The following MSI2 variants were observed in gnomAD, a reference collection of about 807,000 sequenced individuals.
MSI2 encodes the protein musashi RNA binding protein 2, also known as RNA-binding protein Musashi homolog 2.
Under a neutral mutation model 45.6 loss-of-function variants are expected in MSI2, and 17 were observed. That is an observed-to-expected ratio of 0.37 (90% CI 0.26 to 0.56). The LOEUF is 0.56. Ranked by LOEUF, MSI2 falls within the 20% of genes least tolerant of loss-of-function variation. MSI2 has a pLI of 0.77. For synonymous variants in MSI2, 156 were observed against 158.2 expected (o/e 0.99, Z 0.11); for missense variants, 293 against 444.2 (o/e 0.66, Z 3.06).
chr17:57,450,284 A>AAAGG (rs2084983117), intron 6 of MSI2: 1 of 45,080 alleles, frequency 2.2e-5, no homozygotes, highest in Non-Finnish European at 8.1e-5. Context: ...AGAAAGAAAG[A>AAAGG]AAGAAAGAAA....
the MSI2 span, among the ~76,000 whole-genome samples, chr17:57,695,969 A>G: frequency 1.3e-5 from 2 of 152,164 alleles, no homozygotes; most frequent in Non-Finnish European, 2.9e-5. Flanking sequence ...CACTAATCCT[A>G]TCGGATCATG....
At chr17:57,499,213 T>TA (rs1171969918) in intron 6 of MSI2, among the ~76,000 whole-genome samples, 1 of 151,346 alleles carries the variant, frequency 6.6e-6, no homozygotes, top group African/African-American at 2.4e-5. Context: ...CCCTCTATAC[T>TA]AAAAATACAA....
rs1376184687 is a variant in MSI2 at position 57,648,145 on chromosome 17, G to GTT, written c.728-3953_728-3952insTT. 5.9e-4 allele frequency among the ~76,000 whole-genome samples: 87 copies of GTT among 146,796 alleles called. 7 individuals carry two copies. The highest frequency in any genetic ancestry group is 2.0e-4 in the East Asian group (1 of 4,994). On this transcript the variant is annotated intron_variant, in intron 10 of 13. Coordinates refer to ENST00000284073, the MANE Select transcript of MSI2 (RefSeq NM_138962.4). ...GCCTGGCTAATTCGTGTGTGTGTGT[G>GTT]TGTGTGTGTGTGTGTGTGTGTGTGT... is the stretch of plus-strand genomic sequence containing the variant.
chr17:57,368,936 A>G (rs1193991817), intron 5 of MSI2, among the ~76,000 whole-genome samples: 1 of 152,224 alleles, frequency 6.6e-6, no homozygotes, highest in East Asian at 1.9e-4. Context: ...CTGAAATATC[A>G]GTGTGTCAGC....
At chr17:57,256,026 G>T (rs1340475447), upstream of MSI2, 1 of 152,232 alleles carries the variant, frequency 6.6e-6, no homozygotes, top group Non-Finnish European at 1.5e-5. Flanking sequence ...CTGAGCGGTG[G>T]CTGGAAACAG....
At chr17:57,536,521 C>A (rs2086923650) in intron 7 of MSI2, among the ~76,000 whole-genome samples, 1 of 152,184 alleles carries the variant, frequency 6.6e-6, no homozygotes, top group Non-Finnish European at 1.5e-5. Flanking sequence ...CCTGTCTTCC[C>A]TGCTGGCATT....
At chr17:57,583,488 C>CTTTTTTTTTTTTTGTTTTTTTTTTTTTT (rs2088259491) in intron 7 of MSI2, among the ~76,000 whole-genome samples, 1 of 98,044 alleles carries the variant, frequency 1.0e-5, no homozygotes, top group Non-Finnish European at 2.1e-5. Flanking sequence ...CCCAATGTTT[C>CTTTTTTTTTTTTTGTTTTTTTTTTTTTT]TTTTTTTTTT....
intron 5 of MSI2, among the ~76,000 whole-genome samples, chr17:57,346,301 C>G (rs1357087672): frequency 6.7e-6 from 1 of 149,642 alleles, no homozygotes; most frequent in Non-Finnish European, 1.5e-5. Flanking sequence ...GTAACCCCTT[C>G]TCATCCTTAT....
intron 6 of MSI2, among the ~76,000 whole-genome samples, chr17:57,405,006 C>T (rs1271671948): frequency 6.6e-6 from 1 of 152,030 alleles, no homozygotes; most frequent in Admixed American, 6.5e-5. Context: ...CCACACGTCA[C>T]CATGAGCTAC....
chr17:57,461,661 G>A (rs543934644), intron 6 of MSI2, among the ~76,000 whole-genome samples: 1 of 151,654 alleles, frequency 6.6e-6, no homozygotes, highest in East Asian at 1.9e-4. Flanking sequence ...TCAGCCTCCC[G>A]AGTAGCTGGG....
At chr17:57,632,945 G>A (rs1018968729) in intron 10 of MSI2, 1 of 1,055,454 alleles carries the variant, frequency 9.5e-7, no homozygotes, top group Non-Finnish European at 1.1e-6. Flanking sequence ...GCTTTTCCAT[G>A]AGTATTATTT....
chr17:57,388,486 G>C (rs1402639846), intron 5 of MSI2, among the ~76,000 whole-genome samples: 1 of 152,156 alleles, frequency 6.6e-6, no homozygotes, highest in African/African-American at 2.4e-5. Context: ...AGAATAGCTG[G>C]GCAAGAAGGG....
At chr17:57,509,603 T>C (rs1315247240) in intron 6 of MSI2, among the ~76,000 whole-genome samples, 1 of 152,130 alleles carries the variant, frequency 6.6e-6, no homozygotes, top group Non-Finnish European at 1.5e-5. Flanking sequence ...GTATTTTTAG[T>C]AGAGATGGTG....
chr17:57,492,074 C>T (rs756761348), intron 6 of MSI2, among the ~76,000 whole-genome samples: 6 of 152,100 alleles, frequency 3.9e-5, no homozygotes, highest in Admixed American at 2.6e-4. Flanking sequence ...CTGGAGTTCA[C>T]GTATTAACAA....
chr17:57,452,321 G>T (rs1421273526), intron 6 of MSI2, among the ~76,000 whole-genome samples: 1 of 152,242 alleles, frequency 6.6e-6, no homozygotes, highest in Non-Finnish European at 1.5e-5. Flanking sequence ...GTGACCCGCA[G>T]TCAGCCAGAA....
At chr17:57,617,804 C>T (rs1907866419) in intron 9 of MSI2, among the ~76,000 whole-genome samples, 1 of 152,116 alleles carries the variant, frequency 6.6e-6, no homozygotes, top group Non-Finnish European at 1.5e-5. Context: ...GGCATGGTGG[C>T]TCATGCCTGT....
rs72833092 is a variant in MSI2 at position 57,567,706 on chromosome 17, G to T, written c.455-29162G>T. ...GTACTTGCCCAGGCATTGGGAAGTCGGGGGTCTTCCTGGTGGATGGGGCCA... is the reference window on the plus strand; with the variant it reads ...GTACTTGCCCAGGCATTGGGAAGTCTGGGGTCTTCCTGGTGGATGGGGCCA... On this transcript the variant is annotated intron_variant, in intron 7 of 13. Coordinates refer to ENST00000284073, the MANE Select transcript of MSI2 (RefSeq NM_138962.4). Among the ~76,000 whole-genome samples, 6 of 152,298 alleles carry T rather than the reference G, an allele frequency of 3.9e-5. No homozygotes were observed. The East Asian group carries it at 1.2e-3, about 29-fold the overall frequency.
chr17:57,322,502 A>C (rs2143677666), intron 5 of MSI2, among the ~76,000 whole-genome samples: 1 of 152,332 alleles, frequency 6.6e-6, no homozygotes, highest in South Asian at 2.1e-4. Flanking sequence ...AGAGGGCAGA[A>C]TAATTCAGTC....
At chr17:57,484,067 C>G (rs183182413) in intron 6 of MSI2, among the ~76,000 whole-genome samples, 2 of 152,218 alleles carry the variant, frequency 1.3e-5, no homozygotes, top group African/African-American at 4.8e-5. Flanking sequence ...TACTGGGTGG[C>G]AGGGATGGAA....
Sources: gnomAD v4.1 joint callset for allele counts (sites outside exome capture counted in the v4.1 genomes callset) on GRCh38, gnomAD v4.1.1 for gene constraint, MANE v1.5 for transcripts, NCBI Gene and HGNC (gene_info 2026-07-23, HGNC 2026-07-21) for gene names.